LRMDA: variants seen among roughly 807,000 people sequenced by gnomAD.
LRMDA encodes the protein leucine-rich melanocyte differentiation-associated protein.
In LRMDA, 18 loss-of-function variants were observed where a neutral mutation model predicts 29.8. The observed-to-expected ratio is 0.60, with a 90% CI of 0.42 to 0.90. The LOEUF is 0.90. Among genes scored for constraint, LRMDA ranks in the 40% least tolerant of loss-of-function variants. LRMDA has a pLI of 0.00. For synonymous variants in LRMDA, 125 were observed against 109.4 expected, an observed-to-expected ratio of 1.14 and a Z score of -0.89; for missense variants, 273 against 273.9, an observed-to-expected ratio of 1.00 and a Z score of 0.02.
At chr10:75,511,627 AT>A (rs1370020282) in intron 2 of LRMDA, among the ~76,000 whole-genome samples, 2 of 152,244 alleles carry the variant, frequency 1.3e-5, no homozygotes, top group Non-Finnish European at 2.9e-5. Flanking sequence ...ACCTGTCCAC[AT>A]AATGGTTCTC....
intron 2 of LRMDA, among the ~76,000 whole-genome samples, chr10:75,480,507 C>T (rs980588321): frequency 4.6e-5 from 7 of 152,146 alleles, no homozygotes; most frequent in Non-Finnish European, 1.0e-4. Context: ...AGTAAGGTGG[C>T]CTTGGGAGCT....
intron 2 of LRMDA, among the ~76,000 whole-genome samples, chr10:75,896,969 C>T (rs1232911491): frequency 2.6e-5 from 4 of 152,100 alleles, no homozygotes; most frequent in South Asian, 2.1e-4. Context: ...TAGTCCAAAA[C>T]TTCAAAAAAA....
chr10:75,473,239 G>C (rs1314272979), intron 2 of LRMDA, among the ~76,000 whole-genome samples: 5 of 152,228 alleles, frequency 3.3e-5, no homozygotes, highest in African/African-American at 1.2e-4. Context: ...ACCAAAGTGG[G>C]GGGAAACCTG....
chr10:75,834,931 T>C (rs1157239736), intron 2 of LRMDA, among the ~76,000 whole-genome samples: 3 of 152,252 alleles, frequency 2.0e-5, no homozygotes, highest in Non-Finnish European at 4.4e-5. Context: ...TTCAAGCCCA[T>C]GTAAGCTTCT....
intron 2 of LRMDA, among the ~76,000 whole-genome samples, chr10:75,816,617 A>G (rs1844065950): frequency 6.6e-6 from 1 of 152,214 alleles, no homozygotes; most frequent in Admixed American, 6.5e-5. Context: ...GGTTTGGTCA[A>G]GGTGGTTTGG....
At chr10:75,953,945 G>T (rs992855559) in intron 2 of LRMDA, among the ~76,000 whole-genome samples, 1 of 152,172 alleles carries the variant, frequency 6.6e-6, no homozygotes, top group Non-Finnish European at 1.5e-5. Context: ...ATCTGAAAGC[G>T]CAGAACTTTC....
At chr10:75,895,059 A>G (rs917433271) in intron 2 of LRMDA, among the ~76,000 whole-genome samples, 1 of 152,196 alleles carries the variant, frequency 6.6e-6, no homozygotes, top group Non-Finnish European at 1.5e-5. Flanking sequence ...AGCTTTCAGA[A>G]GAACTTGAAG....
At position 76,184,033 on chromosome 10, in the gene LRMDA, A is replaced by ATT. The variant is rs35911382; in HGVS notation, c.516+125263_516+125264dup. ...CACCCCACCCGGCCCTACTTTATTT[A>ATT]TTTTTTTTTTTTTTGGAGACGGAGT... On this transcript the variant is annotated intron_variant, in intron 5 of 6. Coordinates refer to ENST00000611255, the MANE Select transcript of LRMDA (RefSeq NM_001305581.2). Among the ~76,000 whole-genome samples the ATT allele has an allele frequency of 3.5e-4, 47 of 134,054 alleles. No individual in the cohort carries two copies. In the East Asian group the frequency reaches 5.0e-3, roughly 14 times the overall value. The allele number at this position is 134,054 out of a possible 152,430, so 87.9% of individuals were successfully genotyped here.
intron 2 of LRMDA, among the ~76,000 whole-genome samples, chr10:75,754,832 A>G (rs554322274): frequency 6.6e-6 from 1 of 151,328 alleles, no homozygotes; most frequent in South Asian, 2.1e-4. Context: ...TATCTTCTGA[A>G]TGTTCTTACT....
chr10:75,579,094 G>A (rs1840550739), intron 2 of LRMDA, among the ~76,000 whole-genome samples: 2 of 152,116 alleles, frequency 1.3e-5, no homozygotes, highest in Admixed American at 1.3e-4. Flanking sequence ...AGGAGATAGA[G>A]ACACGAAAAA....
chr10:76,333,010 T>C (rs757329777), intron 6 of LRMDA, among the ~76,000 whole-genome samples: 3 of 152,192 alleles, frequency 2.0e-5, no homozygotes, highest in African/African-American at 7.2e-5. Context: ...TTAGAAAAGA[T>C]AGCGTGCAAT....
At chr10:75,702,541 G>A (rs1307711071) in intron 2 of LRMDA, among the ~76,000 whole-genome samples, 1 of 152,116 alleles carries the variant, frequency 6.6e-6, no homozygotes, top group Non-Finnish European at 1.5e-5. Flanking sequence ...CCAGGTCTGA[G>A]TACCGAGGCC....
chr10:76,515,604 C>G (rs1169805803), intron 6 of LRMDA, among the ~76,000 whole-genome samples: 1 of 152,082 alleles, frequency 6.6e-6, no homozygotes, highest in South Asian at 2.1e-4. Context: ...CTCTCAGGCT[C>G]AAGCAATCCT....
At chr10:76,173,432 A>T (rs1253057440) in intron 5 of LRMDA, among the ~76,000 whole-genome samples, 1 of 152,350 alleles carries the variant, frequency 6.6e-6, no homozygotes, top group Non-Finnish European at 1.5e-5. Context: ...CTATTAATAA[A>T]ATTGATAAAC....
intron 2 of LRMDA, among the ~76,000 whole-genome samples, chr10:75,947,930 A>C (rs1846504861): frequency 6.6e-6 from 1 of 152,172 alleles, no homozygotes; most frequent in African/African-American, 2.4e-5. Context: ...GTTCGTCCTC[A>C]CAGGGAGACT....
At chr10:75,656,766 C>A (rs780475637) in intron 2 of LRMDA, among the ~76,000 whole-genome samples, 3 of 152,146 alleles carry the variant, frequency 2.0e-5, no homozygotes, top group African/African-American at 4.8e-5. Context: ...ATTTCATGGC[C>A]TAAGACTTAA....
At position 75,740,273 on chromosome 10, in the gene LRMDA, G is replaced by A. The variant is rs74147194; in HGVS notation, c.132-295735G>A. ...ATGCTGACGCAGACCGACGGGAGCTGGAGGCTGAGGGGCAGCGGCCTGGCA... is the reference window on the plus strand; with the variant it reads ...ATGCTGACGCAGACCGACGGGAGCTAGAGGCTGAGGGGCAGCGGCCTGGCA... On this transcript the variant is annotated intron_variant, in intron 2 of 6. Coordinates refer to ENST00000611255, the MANE Select transcript of LRMDA (RefSeq NM_001305581.2). 5.0e-3 allele frequency among the ~76,000 whole-genome samples: 756 copies of A among 152,314 alleles called. 6 individuals are homozygous for A. The highest frequency in any genetic ancestry group is 0.017 in the African/African-American group (711 of 41,558).
intron 2 of LRMDA, among the ~76,000 whole-genome samples, chr10:75,676,324 C>T (rs1487738531): frequency 2.6e-5 from 4 of 152,270 alleles, no homozygotes; most frequent in East Asian, 1.9e-4. Context: ...GGAAGCTGAA[C>T]GAGATGTTGC....
intron 2 of LRMDA, among the ~76,000 whole-genome samples, chr10:75,952,206 G>A (rs903256418): frequency 1.3e-5 from 2 of 151,994 alleles, no homozygotes; most frequent in Non-Finnish European, 2.9e-5. Context: ...ATTGCTCCTC[G>A]TTTTATTTTC....
Sources: allele counts gnomAD v4.1 joint callset (sites outside exome capture counted in the v4.1 genomes callset), GRCh38; gene constraint gnomAD v4.1.1; transcripts MANE v1.5; gene names NCBI Gene and HGNC (gene_info 2026-07-23, HGNC 2026-07-21).